ERC1: variants seen among roughly 807,000 people sequenced by gnomAD.
ERC1 encodes ELKS/RAB6-interacting/CAST family member 1, also known as RAB6 interacting protein 2.
ERC1 carries 56 observed loss-of-function variants against 132.0 expected under a neutral mutation model. The observed-to-expected ratio is 0.42, with a 90% CI of 0.34 to 0.53. ERC1 has a LOEUF of 0.53. Among genes scored for constraint, ERC1 ranks in the 20% least tolerant of loss-of-function variants. ERC1 has a pLI of 0.03. For missense variants in ERC1, 1,202 were observed against 1,349.9 expected (o/e 0.89, Z 1.72); for synonymous variants, 478 against 476.1 (o/e 1.00, Z -0.05).
intron 2 of ERC1, among the ~76,000 whole-genome samples, chr12:1,082,461 GT>G (rs1272612242): frequency 9.4e-6 from 1 of 106,452 alleles, no homozygotes. Flanking sequence ...GCCATCCTTT[GT>G]ATTTTTTGAT....
chr12:1,420,581 G>A (rs1023171629), intron 17 of ERC1, among the ~76,000 whole-genome samples: 1 of 151,982 alleles, frequency 6.6e-6, no homozygotes, highest in East Asian at 1.9e-4. Context: ...TTAGCCTCCC[G>A]AGTAGCTGGG....
chr12:1,028,672 G>A (rs1274513103), intron 2 of ERC1, 100 bp downstream of exon 2: 1 of 962,130 alleles, frequency 1.0e-6, no homozygotes, highest in East Asian at 2.6e-5. Flanking sequence ...CGTAGTATAT[G>A]TATCTTCCTT....
chr12:1,418,666 T>TTTTCTTTTCTTTCTTTCTTTC (rs1555077127), intron 17 of ERC1, among the ~76,000 whole-genome samples: 1 of 86,716 alleles, frequency 1.2e-5, no homozygotes, highest in African/African-American at 5.1e-5. Flanking sequence ...TCTCTCTTTC[T>TTTTCTTTTCTTTCTTTCTTTC]TTTCTTTCTT....
In ERC1 at chr12:1,339,821, T is replaced by G. The variant is rs1390552117; in HGVS notation, c.2781-32012T>G. On this transcript the variant is annotated intron_variant, in intron 15 of 18. Transcript: ENST00000360905. ...GGGTCTGCTGTCCTCTGTGCCTGGT[T>G]TCACTCCTGTGGCAGTGTTGGCACA... Among the ~76,000 whole-genome samples the G allele has an allele frequency of 5.9e-5, 9 of 152,252 alleles. No individual in the cohort carries two copies. The East Asian group carries it at 1.7e-3, about 29-fold the overall frequency.
At chr12:1,277,916 G>C (rs913794404) in intron 14 of ERC1, among the ~76,000 whole-genome samples, 5 of 152,188 alleles carry the variant, frequency 3.3e-5, no homozygotes, top group African/African-American at 1.2e-4. Context: ...TTGCCGTTGT[G>C]TAATCAGTTC....
chr12:1,015,041 G>A (rs1250682567), intron 1 of ERC1, among the ~76,000 whole-genome samples: 1 of 149,518 alleles, frequency 6.7e-6, no homozygotes, highest in Non-Finnish European at 1.5e-5. Context: ...TGGGATTACA[G>A]GCATGACCTA....
intron 1 of ERC1, among the ~76,000 whole-genome samples, chr12:1,018,940 A>G (rs534557941): frequency 3.0e-4 from 45 of 152,210 alleles, no homozygotes; most frequent in Non-Finnish European, 6.3e-4. Context: ...AATGAGCAGT[A>G]GTTAGCCAGT....
At chr12:1,010,686 T>G (rs945937115) in intron 1 of ERC1, among the ~76,000 whole-genome samples, 1 of 151,626 alleles carries the variant, frequency 6.6e-6, no homozygotes, top group Non-Finnish European at 1.5e-5. Flanking sequence ...AATTTTTTTT[T>G]ATTATTATTA....
intron 14 of ERC1, among the ~76,000 whole-genome samples, chr12:1,285,329 A>G (rs1406548047): frequency 2.0e-5 from 3 of 152,226 alleles, no homozygotes; most frequent in Non-Finnish European, 4.4e-5. Flanking sequence ...GCAGCCCAAG[A>G]TAGTCAAGTG....
chr12:1,074,933 C>T (rs75288830), intron 2 of ERC1, among the ~76,000 whole-genome samples: 2,270 of 151,742 alleles, frequency 0.015, 61 homozygotes, highest in African/African-American at 0.052. Context: ...AGTTCTAGTG[C>T]GGGTCTTTTT....
chr12:1,022,178 A>G (rs901828688), intron 1 of ERC1, among the ~76,000 whole-genome samples: 2 of 152,146 alleles, frequency 1.3e-5, no homozygotes, highest in African/African-American at 2.4e-5. Context: ...TGGTCTCCCA[A>G]AGTGCTGGGA....
chr12:1,297,820 A>T (rs1251785009), intron 15 of ERC1, among the ~76,000 whole-genome samples: 1 of 152,206 alleles, frequency 6.6e-6, no homozygotes, highest in African/African-American at 2.4e-5. Context: ...TTAAAGCAAA[A>T]ATAACATGAT....
chr12:1,209,630 A>T (rs1957676712), intron 12 of ERC1, among the ~76,000 whole-genome samples: 1 of 152,184 alleles, frequency 6.6e-6, no homozygotes, highest in South Asian at 2.1e-4. Flanking sequence ...GTGCTTCTCA[A>T]ACTTAAGTGT....
At chr12:1,196,551 T>C (rs906934490) in intron 12 of ERC1, among the ~76,000 whole-genome samples, 1 of 151,050 alleles carries the variant, frequency 6.6e-6, no homozygotes, top group Non-Finnish European at 1.5e-5. Context: ...TGGAGTGTAG[T>C]GGCGTGATGA....
At chr12:1,096,865 C>G (rs1264290508) in intron 3 of ERC1, among the ~76,000 whole-genome samples, 1 of 152,190 alleles carries the variant, frequency 6.6e-6, no homozygotes, top group Non-Finnish European at 1.5e-5. Context: ...CCAGCCAGAA[C>G]TCTCCCTTCC....
chr12:1,450,318 A>C (rs1241504520), intron 18 of ERC1, among the ~76,000 whole-genome samples: 1 of 152,160 alleles, frequency 6.6e-6, no homozygotes, highest in African/African-American at 2.4e-5. Context: ...GTTAAACAGT[A>C]ACTCCCCATT....
chr12:1,298,542 C>CA (rs759796167), intron 15 of ERC1, among the ~76,000 whole-genome samples: 12,635 of 74,270 alleles, frequency 0.17, 713 homozygotes, highest in Middle Eastern at 0.25. Context: ...GACTCTGTCA[C>CA]AAAAAAAAAA....
chr12:1,128,476 C>G (rs1390264367), intron 7 of ERC1, among the ~76,000 whole-genome samples: 2 of 152,108 alleles, frequency 1.3e-5, no homozygotes, highest in Non-Finnish European at 2.9e-5. Flanking sequence ...CTCAAGTGAT[C>G]CTCCCAACTC....
At chr12:1,332,718 A>G (rs1029528508) in intron 15 of ERC1, among the ~76,000 whole-genome samples, 1 of 152,228 alleles carries the variant, frequency 6.6e-6, no homozygotes, top group Non-Finnish European at 1.5e-5. Flanking sequence ...TGATATAAGC[A>G]GTCCTGGATC....
Sources: gnomAD v4.1 joint callset for allele counts (sites outside exome capture counted in the v4.1 genomes callset) on GRCh38, gnomAD v4.1.1 for gene constraint, MANE v1.5 for transcripts, NCBI Gene and HGNC (gene_info 2026-07-23, HGNC 2026-07-21) for gene names.